The following SAMD12 variants were observed in gnomAD, a reference collection of about 807,000 sequenced individuals.
The protein encoded by SAMD12 is sterile alpha motif domain-containing protein 12.
A neutral mutation model predicts 15.0 loss-of-function variants in SAMD12; 9 were observed. The ratio of observed to expected loss-of-function variants is 0.60; its 90% confidence interval spans 0.36 to 1.05. The LOEUF (loss-of-function observed/expected upper bound fraction) is 1.05. SAMD12 is among the 50% of genes least tolerant of loss of function. The pLI, the probability that SAMD12 is intolerant of heterozygous loss-of-function variation, is 0.01. For synonymous variants in SAMD12, 86 were observed against 90.1 expected, an observed-to-expected ratio of 0.96 and a Z score of 0.25; for missense variants, 230 against 234.2, an observed-to-expected ratio of 0.98 and a Z score of 0.12.
chr8:118,322,570 A>G (rs1177556925), intron 4 of SAMD12, among the ~76,000 whole-genome samples: 2 of 152,234 alleles, frequency 1.3e-5, no homozygotes, highest in Admixed American at 1.3e-4. Context: ...GCTTTTCTTC[A>G]TGTACTAAAA....
intron 2 of SAMD12, among the ~76,000 whole-genome samples, chr8:118,562,028 A>T (rs1826715560): frequency 6.6e-6 from 1 of 152,250 alleles, no homozygotes; most frequent in Non-Finnish European, 1.5e-5. Flanking sequence ...CAAATAATTT[A>T]GATGTACAGC....
the SAMD12 span, among the ~76,000 whole-genome samples, chr8:118,145,790 A>G: frequency 3.3e-5 from 5 of 152,214 alleles, no homozygotes; most frequent in Non-Finnish European, 4.4e-5. Context: ...TAGCTGACCC[A>G]AAGATTTCCT....
At chr8:118,150,706 A>C in the SAMD12 span, among the ~76,000 whole-genome samples, 1 of 152,274 alleles carries the variant, frequency 6.6e-6, no homozygotes, top group South Asian at 2.1e-4. Context: ...TCATCTCTTA[A>C]AGAAATTAAA....
At chr8:118,560,189 T>G (rs146342176) in intron 2 of SAMD12, among the ~76,000 whole-genome samples, 2 of 152,202 alleles carry the variant, frequency 1.3e-5, no homozygotes, top group African/African-American at 4.8e-5. Context: ...TTAAGATAAT[T>G]GTTTCTTTAA....
At chr8:118,532,860 T>C (rs1343341038) in intron 2 of SAMD12, among the ~76,000 whole-genome samples, 11 of 152,184 alleles carry the variant, frequency 7.2e-5, no homozygotes, top group Non-Finnish European at 1.5e-4. Context: ...TAGCGGTCTA[T>C]CAATTTTGTT....
intron 4 of SAMD12, among the ~76,000 whole-genome samples, chr8:118,257,549 A>G (rs1785835280): frequency 6.6e-6 from 1 of 152,080 alleles, no homozygotes; most frequent in Non-Finnish European, 1.5e-5. Flanking sequence ...GTATGAAATG[A>G]CCATACGGAA....
intron 1 of SAMD12, among the ~76,000 whole-genome samples, chr8:118,596,773 G>A (rs1276292480): frequency 6.6e-6 from 1 of 152,206 alleles, no homozygotes; most frequent in Non-Finnish European, 1.5e-5. Flanking sequence ...ACACTGAAGA[G>A]TAATTAGTGA....
intron 4 of SAMD12, among the ~76,000 whole-genome samples, chr8:118,199,238 G>T (rs1013179737): frequency 6.6e-6 from 1 of 152,116 alleles, no homozygotes; most frequent in Non-Finnish European, 1.5e-5. Flanking sequence ...TTGCAGGATT[G>T]CCCCATGACT....
intron 2 of SAMD12, among the ~76,000 whole-genome samples, chr8:118,571,925 C>G (rs1012301534): frequency 6.6e-5 from 10 of 152,174 alleles, no homozygotes; most frequent in African/African-American, 2.2e-4. Flanking sequence ...AGACGGCCAC[C>G]ATCCTCAAGA....
intron 2 of SAMD12, among the ~76,000 whole-genome samples, chr8:118,536,483 C>CACACACAT (rs1360675480): frequency 9.8e-4 from 147 of 150,416 alleles, no homozygotes; most frequent in African/African-American, 3.4e-3. Context: ...CACACACACA[C>CACACACAT]ATAAATGGAT....
At chr8:118,429,336 C>T (rs886637617) in intron 3 of SAMD12, among the ~76,000 whole-genome samples, 2 of 152,182 alleles carry the variant, frequency 1.3e-5, no homozygotes, top group African/African-American at 4.8e-5. Context: ...CACTGCAGTA[C>T]TTCAGATTTT....
chr8:118,591,403 A>AT (rs976967382), intron 1 of SAMD12, among the ~76,000 whole-genome samples: 96 of 152,146 alleles, frequency 6.3e-4, no homozygotes, highest in African/African-American at 2.2e-3. Flanking sequence ...ATATTACCCT[A>AT]TTTTTTACAC....
intron 4 of SAMD12, among the ~76,000 whole-genome samples, chr8:118,284,081 G>A (rs1044369802): frequency 6.6e-5 from 10 of 152,142 alleles, no homozygotes; most frequent in African/African-American, 1.9e-4. Context: ...GGTAACTTCC[G>A]AAGACTGCCA....
chr8:118,200,353 G>T (rs11562802), intron 4 of SAMD12, among the ~76,000 whole-genome samples: 2 of 146,014 alleles, frequency 1.4e-5, no homozygotes, highest in African/African-American at 5.1e-5. Flanking sequence ...GTAGGCTTCC[G>T]TGTTTATCCA....
downstream of SAMD12, among the ~76,000 whole-genome samples, chr8:118,376,712 C>T (rs1241786959): frequency 6.6e-6 from 1 of 152,188 alleles, no homozygotes; most frequent in Non-Finnish European, 1.5e-5. Flanking sequence ...AACTGTGATT[C>T]ACCCTCTTTA....
chr8:118,503,669 TCA>T (rs1202292958), intron 2 of SAMD12, among the ~76,000 whole-genome samples: 2 of 151,976 alleles, frequency 1.3e-5, no homozygotes, highest in Non-Finnish European at 1.5e-5. Flanking sequence ...CCACCTGGAG[TCA>T]GGAGAAGGGA....
chr8:118,450,561 T>C (rs1278685334), intron 2 of SAMD12, among the ~76,000 whole-genome samples: 1 of 152,076 alleles, frequency 6.6e-6, no homozygotes, highest in Admixed American at 6.6e-5. Flanking sequence ...AAAGCAAAGA[T>C]GAAAACAAAA....
At chr8:118,496,064 AAC>A (rs1400487549) in intron 2 of SAMD12, among the ~76,000 whole-genome samples, 1 of 152,124 alleles carries the variant, frequency 6.6e-6, no homozygotes, top group African/African-American at 2.4e-5. Context: ...AATCAGAGAC[AAC>A]ACAAACAAAT....
At chr8:118,194,789 C>A (rs557735768) in exon 5 of SAMD12, 1 of 152,240 alleles carries the variant, frequency 6.6e-6, no homozygotes, top group Admixed American at 6.5e-5. Context: ...TGAAGTTAAC[C>A]ATGGGAGATC....
Sources: allele counts gnomAD v4.1 joint callset (sites outside exome capture counted in the v4.1 genomes callset), GRCh38; gene constraint gnomAD v4.1.1; transcripts MANE v1.5; gene names NCBI Gene and HGNC (gene_info 2026-07-23, HGNC 2026-07-21).